The following RIT2 variants were observed in gnomAD, a reference collection of about 807,000 sequenced individuals.
RIT2 encodes the protein GTP-binding protein Rit2.
In RIT2, 24 loss-of-function variants were observed where a neutral mutation model predicts 23.7. The observed-to-expected ratio is 1.01, with a 90% confidence interval of 0.73 to 1.43. RIT2 has a LOEUF of 1.43. RIT2 is among the 40% of genes most tolerant of loss of function. RIT2 has a pLI of 0.00. For synonymous variants in RIT2, 107 were observed against 91.1 expected (o/e 1.17, Z -0.99); for missense variants, 236 against 266.9 (o/e 0.88, Z 0.81).
At chr18:43,068,516 CAG>C (rs139762150) in intron 1 of RIT2, among the ~76,000 whole-genome samples, 140 of 152,076 alleles carry the variant, frequency 9.2e-4, no homozygotes, top group African/African-American at 3.3e-3. Context: ...ACATAGAAAT[CAG>C]AGAGATCCAT....
intron 1 of RIT2, among the ~76,000 whole-genome samples, chr18:43,110,438 A>G (rs1481010306): frequency 6.6e-6 from 1 of 152,172 alleles, no homozygotes; most frequent in Non-Finnish European, 1.5e-5. Context: ...AAGGAAGACA[A>G]TATTTCATCA....
intron 4 of RIT2, among the ~76,000 whole-genome samples, chr18:42,794,586 AT>A (rs2143951267): frequency 6.6e-6 from 1 of 152,330 alleles, no homozygotes; most frequent in Non-Finnish European, 1.5e-5. Flanking sequence ...AGATAGTTAA[AT>A]CTTAGAGACA....
chr18:42,965,517 A>C (rs1263712532), intron 3 of RIT2, among the ~76,000 whole-genome samples: 1 of 152,156 alleles, frequency 6.6e-6, no homozygotes, highest in East Asian at 1.9e-4. Context: ...TAATATTGTC[A>C]TTCATTTATA....
intron 4 of RIT2, among the ~76,000 whole-genome samples, chr18:42,889,833 G>T (rs1288522390): frequency 6.6e-6 from 1 of 152,054 alleles, no homozygotes; most frequent in African/African-American, 2.4e-5. Flanking sequence ...AAGAACATTA[G>T]TTTTTTTGCT....
At chr18:42,744,827 G>A (rs1424889563) in intron 4 of RIT2, among the ~76,000 whole-genome samples, 1 of 152,084 alleles carries the variant, frequency 6.6e-6, no homozygotes, top group Admixed American at 6.6e-5. Context: ...GGGTAAATAA[G>A]TCTCCCTCTA....
At chr18:43,017,723 G>A (rs911535076) in intron 2 of RIT2, among the ~76,000 whole-genome samples, 9 of 152,012 alleles carry the variant, frequency 5.9e-5, no homozygotes, top group African/African-American at 2.2e-4. Flanking sequence ...GTGGTAGGGA[G>A]AGTTATTATT....
intron 1 of RIT2, among the ~76,000 whole-genome samples, chr18:43,090,392 G>A (rs1347978073): frequency 6.6e-6 from 1 of 152,044 alleles, no homozygotes; most frequent in Non-Finnish European, 1.5e-5. Context: ...TGGGGTCGTG[G>A]AGAAAAAGAA....
intron 4 of RIT2, among the ~76,000 whole-genome samples, chr18:42,763,326 G>A (rs1426492375): frequency 6.6e-6 from 1 of 152,130 alleles, no homozygotes; most frequent in East Asian, 1.9e-4. Context: ...GCTGGGTGTG[G>A]TGGCAGGCCC....
chr18:42,747,847 G>A (rs1912954777), intron 4 of RIT2, among the ~76,000 whole-genome samples: 1 of 151,940 alleles, frequency 6.6e-6, no homozygotes, highest in African/African-American at 2.4e-5. Context: ...GTAGAAGAAT[G>A]AAACTGCATC....
At chr18:42,834,551 A>G (rs1906546587) in intron 4 of RIT2, among the ~76,000 whole-genome samples, 1 of 152,024 alleles carries the variant, frequency 6.6e-6, no homozygotes, top group Non-Finnish European at 1.5e-5. Context: ...TCTCTAAAAC[A>G]CACACACACA....
chr18:42,769,956 G>A (rs1282783343), intron 4 of RIT2, among the ~76,000 whole-genome samples: 5 of 151,864 alleles, frequency 3.3e-5, no homozygotes, highest in Non-Finnish European at 7.4e-5. Context: ...GAGTGTCACA[G>A]TGAGTTGGAA....
chr18:42,870,149 C>G (rs916048344), intron 4 of RIT2, among the ~76,000 whole-genome samples: 1 of 152,170 alleles, frequency 6.6e-6, no homozygotes, highest in Non-Finnish European at 1.5e-5. Context: ...ACATCAAAAT[C>G]AAATTAAGGA....
intron 4 of RIT2, among the ~76,000 whole-genome samples, chr18:42,804,585 A>T (rs1035215717): frequency 9.8e-4 from 145 of 148,608 alleles, no homozygotes; most frequent in African/African-American, 3.6e-3. Flanking sequence ...AAAAAAAAAA[A>T]ATTGAAAAAA....
intron 3 of RIT2, among the ~76,000 whole-genome samples, chr18:42,929,587 A>G (rs2144142849): frequency 6.6e-6 from 1 of 152,316 alleles, no homozygotes; most frequent in South Asian, 2.1e-4. Flanking sequence ...TACAATTTGA[A>G]TAAGCATTAA....
At chr18:42,928,466 C>T (rs149342933) in intron 3 of RIT2, among the ~76,000 whole-genome samples, 1 of 151,996 alleles carries the variant, frequency 6.6e-6, no homozygotes, top group African/African-American at 2.4e-5. Context: ...TCTTAAATAG[C>T]CTTTCATAGT....
At chr18:42,965,281 T>C (rs1910189157) in intron 3 of RIT2, among the ~76,000 whole-genome samples, 3 of 152,158 alleles carry the variant, frequency 2.0e-5, no homozygotes, top group Non-Finnish European at 2.9e-5. Context: ...AAGTGAATCA[T>C]AGACCCAAGA....
intron 2 of RIT2, among the ~76,000 whole-genome samples, chr18:43,013,688 T>TATGC (rs1383577306): frequency 6.4e-4 from 97 of 151,774 alleles, no homozygotes; most frequent in Non-Finnish European, 1.2e-3. Flanking sequence ...TTTTTGGCAC[T>TATGC]ATCAGAGTAA....
chr18:42,915,242 T>G (rs1461865326), intron 4 of RIT2, among the ~76,000 whole-genome samples: 3 of 151,766 alleles, frequency 2.0e-5, no homozygotes, highest in Non-Finnish European at 2.9e-5. Flanking sequence ...TGAGGAAATT[T>G]TCCACAAATG....
chr18:42,759,963 G>C (rs928688304), intron 4 of RIT2, among the ~76,000 whole-genome samples: 1 of 151,978 alleles, frequency 6.6e-6, no homozygotes, highest in Non-Finnish European at 1.5e-5. Context: ...TTTTAGTAGA[G>C]ATGGGGTTTC....
Sources: allele counts gnomAD v4.1 joint callset (sites outside exome capture counted in the v4.1 genomes callset), GRCh38; gene constraint gnomAD v4.1.1; transcripts MANE v1.5; gene names NCBI Gene and HGNC (gene_info 2026-07-23, HGNC 2026-07-21).